The following GSTT4 variants were observed in gnomAD, a reference collection of about 807,000 sequenced individuals.
GSTT4 encodes glutathione S-transferase theta 4.
the GSTT4 span, among the ~76,000 whole-genome samples, chr22:23,992,209 C>G: frequency 7.1e-6 from 1 of 139,992 alleles, no homozygotes; most frequent in Non-Finnish European, 1.6e-5. Flanking sequence ...AATGAGCTGT[C>G]CCTCCCCAGT....
At chr22:23,997,143 C>A (rs1214941007), downstream of GSTT4, among the ~76,000 whole-genome samples, 1 of 151,944 alleles carries the variant, frequency 6.6e-6, no homozygotes, top group Non-Finnish European at 1.5e-5. Flanking sequence ...TATTTCTAAA[C>A]TTTTGAATTT....
chr22:24,002,300 G>A (rs1466595842), intron 2 of GSTT4, among the ~76,000 whole-genome samples: 1 of 152,268 alleles, frequency 6.6e-6, no homozygotes, highest in Admixed American at 6.5e-5. Flanking sequence ...CTATCGGGAA[G>A]GTTGTGGTGT....
the GSTT4 span, among the ~76,000 whole-genome samples, chr22:23,992,525 G>C: frequency 2.8e-5 from 4 of 144,630 alleles, no homozygotes; most frequent in African/African-American, 1.0e-4. Context: ...TAGCAGTGTC[G>C]GCCTTGTGGG....
chr22:24,003,900 T>G (rs1190429339), intron 1 of GSTT4, 53 bp from the exon 2 acceptor site: 2 of 155,032 alleles, frequency 1.3e-5, no homozygotes, highest in Admixed American at 1.3e-4. Flanking sequence ...GAGAGAGAAC[T>G]GAGACTCCCA....
At chr22:23,999,301 G>A (rs1051644043) in intron 4 of GSTT4, among the ~76,000 whole-genome samples, 19 of 151,984 alleles carry the variant, frequency 1.3e-4, no homozygotes, top group Admixed American at 9.8e-4. Flanking sequence ...GAACCCTTGG[G>A]GCAGGCCAGA....
downstream of GSTT4, among the ~76,000 whole-genome samples, chr22:23,995,833 T>C (rs1005420188): frequency 6.6e-6 from 1 of 152,208 alleles, no homozygotes; most frequent in African/African-American, 2.4e-5. Flanking sequence ...ATTTTATTCT[T>C]TTTGATGGTA....
intron 2 of GSTT4, 135 bp downstream of exon 2, chr22:24,003,625 T>G (rs993949425): frequency 6.5e-6 from 1 of 154,156 alleles, no homozygotes; most frequent in East Asian, 1.9e-4. Flanking sequence ...GGGTTCCTCG[T>G]GTCCCTCATT....
the GSTT4 span, among the ~76,000 whole-genome samples, chr22:23,989,559 A>C: frequency 0.51 from 72,058 of 140,192 alleles, 16,091 homozygotes; most frequent in South Asian, 0.61. Flanking sequence ...CCAGCTGGGG[A>C]CTTAGGCCCT....
At chr22:24,002,420 C>A (rs1431876072) in intron 2 of GSTT4, among the ~76,000 whole-genome samples, 1 of 152,252 alleles carries the variant, frequency 6.6e-6, no homozygotes, top group Non-Finnish European at 1.5e-5. Flanking sequence ...GGAACCTCCG[C>A]AGAACAAGGG....
intron 1 of GSTT4, chr22:24,004,998 T>C (rs2034320976): frequency 1.4e-5 from 2 of 143,644 alleles, no homozygotes; most frequent in African/African-American, 5.2e-5. Flanking sequence ...GTGAAACCCC[T>C]GTTAAAAATA....
downstream of GSTT4, among the ~76,000 whole-genome samples, chr22:23,994,241 C>T (rs1419001705): frequency 1.6e-5 from 2 of 121,894 alleles, no homozygotes; most frequent in Non-Finnish European, 3.6e-5. Context: ...GATATAATTC[C>T]CATACCATAA....
At chr22:23,996,133 G>C (rs544814146), downstream of GSTT4, among the ~76,000 whole-genome samples, 1 of 152,078 alleles carries the variant, frequency 6.6e-6, no homozygotes, top group Non-Finnish European at 1.5e-5. Flanking sequence ...TAGTAGAGAC[G>C]GGGTTTCACC....
chr22:24,001,569 C>A (rs1235805570), intron 2 of GSTT4, among the ~76,000 whole-genome samples: 1 of 152,250 alleles, frequency 6.6e-6, no homozygotes, highest in East Asian at 1.9e-4. Context: ...GCAGGGGGAA[C>A]AACACGTGTT....
Position 24,002,268 on chromosome 22 carries a change from T to C in GSTT4, c.201-943A>G, listed in dbSNP as rs587618411. 4.8e-4 allele frequency among the ~76,000 whole-genome samples: 73 copies of C among 152,016 alleles called. No homozygotes were observed. The East Asian group carries it at 0.013, about 26-fold the overall frequency. ...GGAGGGTGAGCCCGAGGGGGCAGAA[T>C]GGACAATGAGGGGGCCAGCAACTAT... On this transcript the variant is annotated intron_variant, in intron 2 of 4. Transcript: ENST00000621179.
chr22:24,001,738 C>G (rs929892665), intron 2 of GSTT4, among the ~76,000 whole-genome samples: 336 of 152,294 alleles, frequency 2.2e-3, no homozygotes, highest in Non-Finnish European at 3.7e-3. Flanking sequence ...GTAATCCCGG[C>G]ACTTTGGGAG....
intron 4 of GSTT4, among the ~76,000 whole-genome samples, chr22:23,999,022 G>A (rs1242601659): frequency 1.3e-5 from 2 of 152,244 alleles, no homozygotes; most frequent in Non-Finnish European, 2.9e-5. Flanking sequence ...TCTCCAGCCT[G>A]CGACCTCGCA....
chr22:23,990,617 CA>C, the GSTT4 span, among the ~76,000 whole-genome samples: 1 of 72,042 alleles, frequency 1.4e-5, no homozygotes, highest in South Asian at 5.7e-4. Flanking sequence ...CAGATTGAGA[CA>C]CTGTAATAAA....
At chr22:23,995,906 A>T (rs1441080229), downstream of GSTT4, among the ~76,000 whole-genome samples, 4 of 152,014 alleles carry the variant, frequency 2.6e-5, no homozygotes, top group Non-Finnish European at 5.9e-5. Flanking sequence ...TATACTATTG[A>T]TTTTTGTGTA....
chr22:23,994,016 C>CT (rs1306148287), downstream of GSTT4, among the ~76,000 whole-genome samples: 1 of 152,214 alleles, frequency 6.6e-6, no homozygotes, highest in East Asian at 1.9e-4. Context: ...ATAGGCTAGG[C>CT]TGTGGGGCTG....
Sources: gnomAD v4.1 joint callset for allele counts (sites outside exome capture counted in the v4.1 genomes callset) on GRCh38, gnomAD v4.1.1 for gene constraint, MANE v1.5 for transcripts, NCBI Gene and HGNC (gene_info 2026-07-23, HGNC 2026-07-21) for gene names.